Variants in LMNB2 observed in about 807,000 individuals in gnomAD.
The protein encoded by LMNB2 is lamin-B2.
A neutral mutation model predicts 69.3 loss-of-function variants in LMNB2; 17 were observed. That is an observed-to-expected ratio of 0.25 (90% CI 0.17 to 0.37). The LOEUF is 0.37. LMNB2 is among the 10% of genes least tolerant of loss of function. The probability of loss-of-function intolerance (pLI) is 1.00; values close to 1 mark genes in which losing one functional copy is unlikely to be tolerated. For synonymous variants in LMNB2, 397 were observed against 389.3 expected (o/e 1.02, Z -0.23); for missense variants, 789 against 883.6 (o/e 0.89, Z 1.36).
At chr19:2,455,296 T>C (rs1315820826) in intron 1 of LMNB2, among the ~76,000 whole-genome samples, 7 of 149,412 alleles carry the variant, frequency 4.7e-5, no homozygotes, top group Admixed American at 4.6e-4. Flanking sequence ...TTGGGCCTCC[T>C]CAGAGGGCCT....
chr19:2,445,004 T>C (rs1971939409), intron 1 of LMNB2, among the ~76,000 whole-genome samples: 1 of 152,156 alleles, frequency 6.6e-6, no homozygotes, highest in Non-Finnish European at 1.5e-5. Context: ...GGCCATTAGA[T>C]GCATTTTTCA....
chr19:2,439,217 C>A (rs12162273), intron 2 of LMNB2, among the ~76,000 whole-genome samples: 13,766 of 151,768 alleles, frequency 0.091, 899 homozygotes, highest in East Asian at 0.37. Context: ...AATTATAAGT[C>A]TTGGAGCTGA....
intron 2 of LMNB2, among the ~76,000 whole-genome samples, chr19:2,439,295 C>T (rs370895594): frequency 2.0e-3 from 300 of 151,952 alleles, no homozygotes; most frequent in Non-Finnish European, 2.9e-3. Context: ...CCCAGGGTTC[C>T]GCAGCGTCAC....
intron 2 of LMNB2, among the ~76,000 whole-genome samples, chr19:2,441,552 G>A (rs1297316585): frequency 6.6e-6 from 1 of 152,252 alleles, no homozygotes; most frequent in African/African-American, 2.4e-5. Flanking sequence ...GCCCTGCTGG[G>A]GATTTTTGCA....
In LMNB2 at chr19:2,430,780, C is replaced by T. The variant is rs542284153; in HGVS notation, c.*131G>A. 2 of 765,512 alleles carry T rather than the reference C, an allele frequency of 2.6e-6. No homozygotes were observed. The highest frequency in any genetic ancestry group is 2.6e-5 in the East Asian group (1 of 38,892). 47.4% of individuals were successfully genotyped at this position (765,512 alleles called of 1,614,324 possible). A position where few individuals can be genotyped will look rare whatever the true frequency, so the allele number is the denominator to read the frequency against. On this transcript the variant is annotated 3_prime_UTR_variant, in exon 12 of 12. Transcript: ENST00000325327. ...GCCAGGAGGGAGGGCTGGGGGAGAC[C>T]CACCCACACGTTCTGGCAGTTCGCT...
chr19:2,435,287 C>T, intron 4 of LMNB2, 116 bp from the exon 5 acceptor site: 1 of 1,418,684 alleles, frequency 7.0e-7, no homozygotes, highest in Non-Finnish European at 9.6e-7. Flanking sequence ...GTTCCTTGTG[C>T]ACAAGTTACA....
At chr19:2,451,831 C>T (rs1427202288) in intron 1 of LMNB2, among the ~76,000 whole-genome samples, 4 of 147,472 alleles carry the variant, frequency 2.7e-5, no homozygotes, top group East Asian at 3.9e-4. Flanking sequence ...ATGCAAACAC[C>T]GGCTTGGGGT....
In LMNB2 at chr19:2,435,039, G is replaced by A. The variant is rs1175573289; in HGVS notation, c.817C>T (p.Leu273Phe). Residue 273 changes from leucine to phenylalanine, a missense_variant, in exon 5 of 12, where the codon CTC becomes TTC. By Grantham distance (22) the Leu-to-Phe change is conservative. This residue lies in a region of LMNB2 where 609 missense variants were observed against 630.9 expected (regional missense o/e 0.97). Coordinates refer to ENST00000325327, the MANE Select transcript of LMNB2 (RefSeq NM_032737.4). ...LRSQHDEQVR[L>F]YKLELEQTYQ... ...GTCTGCTCCAGCTCCAGCTTGTAGAGCCGCACTTGCTCGTCGTGCTGGCTC... is the reference window on the plus strand; with the variant it reads ...GTCTGCTCCAGCTCCAGCTTGTAGAACCGCACTTGCTCGTCGTGCTGGCTC... The A allele has an allele frequency of 1.2e-6, 2 of 1,610,020 alleles. No homozygotes were observed. The highest frequency in any genetic ancestry group is 1.7e-6 in the Non-Finnish European group (2 of 1,179,508).
In LMNB2 at chr19:2,433,823, C is replaced by A; in HGVS notation, c.1482+3G>T. The A allele has an allele frequency of 1.2e-6, 2 of 1,613,350 alleles. No homozygotes were observed. Among genetic ancestry groups the A allele is most frequent in the South Asian group, 2.2e-5 (2 of 91,064 alleles). On this transcript the variant is annotated splice_donor_region_variant and intron_variant, in intron 8 of 11. Coordinates refer to ENST00000325327, the MANE Select transcript of LMNB2 (RefSeq NM_032737.4). The stretch of plus-strand genomic sequence containing the variant: ...ACCCCCATGCCCCGGTCTTTCCGGT[C>A]ACCTTGTCCGAGTTGTTCTTGAGCT...
Position 2,434,367 on chromosome 19 carries a change from A to G in LMNB2, c.1130T>C (p.Leu377Pro). 6.2e-7 allele frequency: 1 copy of G among 1,613,278 alleles called. No individual in the cohort carries two copies. Among genetic ancestry groups the G allele is most frequent in the Non-Finnish European group, 8.5e-7 (1 of 1,179,988 alleles). ...MQQQLAEYQE[L>P]LDVKLALDME... ...GTCCAGGGCCAGCTTCACGTCCAGC[A>G]GCTCCTGGTACTCGGCCAGCTGCTG... is the stretch of plus-strand genomic sequence containing the variant. Residue 377 changes from leucine to proline, a missense_variant, in exon 7 of 12, where the codon CTG (leucine) becomes CCG (proline). By Grantham distance (98) the Leu-to-Pro change is moderately conservative. Coordinates refer to ENST00000325327, the MANE Select transcript of LMNB2 (RefSeq NM_032737.4).
In LMNB2 at chr19:2,434,943, C is replaced by CGGG. The variant is rs779301571; in HGVS notation, c.856-31_856-30insCCC. ...GGGGAGACGGGCGGGTGAGTGCGGG[C>CGGG]GCGGGGCGGGGCGGGGTTCCCACCG... On this transcript the variant is annotated intron_variant, in intron 5 of 11. Coordinates refer to ENST00000325327, the MANE Select transcript of LMNB2 (RefSeq NM_032737.4). 424 of 1,586,034 alleles carry CGGG rather than the reference C, an allele frequency of 2.7e-4. 1 individual carries two copies. The African/African-American group carries it at 3.3e-3, about 12-fold the overall frequency.
chr19:2,438,608 G>C, intron 2 of LMNB2, 77 bp from the exon 3 acceptor site: 3 of 1,542,424 alleles, frequency 1.9e-6, no homozygotes, highest in Non-Finnish European at 2.6e-6. Flanking sequence ...GGGGCGTCAG[G>C]CAAGCCCAAA....
intron 1 of LMNB2, among the ~76,000 whole-genome samples, chr19:2,452,794 T>C (rs1972040058): frequency 6.6e-6 from 1 of 151,976 alleles, no homozygotes; most frequent in South Asian, 2.1e-4. Context: ...CTGTGAGTCG[T>C]GTTATGAGCC....
At position 2,433,919 on chromosome 19, in the gene LMNB2, G is replaced by C. The variant is rs752555785; in HGVS notation, c.1389C>G (p.His463Gln). ...GTGTGGSGGF[H>Q]LAQQASASGS... Reference sequence around the variant, plus strand: ...CCGAGGCCGAGGCCTGCTGGGCCAGGTGGAAGCCACCGCTGCCACCCGTGC... The same window carrying C: ...CCGAGGCCGAGGCCTGCTGGGCCAGCTGGAAGCCACCGCTGCCACCCGTGC... Residue 463 changes from histidine (H) to glutamine (Q), a missense_variant, in exon 8 of 12, where the codon CAC becomes CAG. Coordinates refer to ENST00000325327, the MANE Select transcript of LMNB2 (RefSeq NM_032737.4). 6.2e-7 allele frequency: 1 copy of C among 1,612,088 alleles called. No individual in the cohort carries two copies. The highest frequency in any genetic ancestry group is 8.5e-7 in the Non-Finnish European group (1 of 1,179,434).
At chr19:2,444,748 C>G (rs1238965727) in intron 1 of LMNB2, among the ~76,000 whole-genome samples, 2 of 152,234 alleles carry the variant, frequency 1.3e-5, no homozygotes, top group Non-Finnish European at 2.9e-5. Flanking sequence ...GTCCGGTAAC[C>G]AGGAGGAAGC....
intron 1 of LMNB2, among the ~76,000 whole-genome samples, chr19:2,448,240 G>C (rs1182117274): frequency 6.6e-6 from 1 of 152,216 alleles, no homozygotes; most frequent in Non-Finnish European, 1.5e-5. Context: ...GGCACCAGGT[G>C]CAGGCATGGT....
At position 2,447,867 on chromosome 19, in the gene LMNB2, CAG is replaced by C; in HGVS notation, c.265-3329_265-3328del. Reference sequence around the variant, plus strand: ...CGCATGCTGGGCCATCTGGACAAGTCAGAGTCTCAGGCTGCCCCAGCACCGCA... The same window carrying C: ...CGCATGCTGGGCCATCTGGACAAGTCAGTCTCAGGCTGCCCCAGCACCGCA... On this transcript the variant is annotated intron_variant, in intron 1 of 11. Coordinates refer to ENST00000325327, the MANE Select transcript of LMNB2 (RefSeq NM_032737.4). The surrounding 1 kb of genome is among the most constrained non-coding windows in gnomAD (Gnocchi z 4.4). Among the ~76,000 whole-genome samples, 1 of 152,330 alleles carries C rather than the reference CAG, an allele frequency of 6.6e-6. No individual in the cohort carries two copies. The highest frequency in any genetic ancestry group is 2.1e-4 in the South Asian group (1 of 4,832).
At chr19:2,452,913 ATGGGTCATCCTCATGG>A (rs1568209715) in intron 1 of LMNB2, among the ~76,000 whole-genome samples, 3 of 52,084 alleles carry the variant, frequency 5.8e-5, no homozygotes, top group African/African-American at 2.4e-4. Context: ...CTCGTGGGGG[ATGGGTCATCCTCATGG>A]GGGCTGCGTC....
In LMNB2 at chr19:2,434,333, G is replaced by T; in HGVS notation, c.1164C>A (p.Ile388=). 1 of 1,613,146 alleles carries T rather than the reference G, an allele frequency of 6.2e-7. No homozygotes were observed. Among genetic ancestry groups the T allele is most frequent in the Non-Finnish European group, 8.5e-7 (1 of 1,179,986 alleles). ...LDVKLALDME[I]NAYRKLLEGE... Reference sequence around the variant, plus strand: ...CCTCCAGGAGCTTCCGGTAGGCGTTGATCTCCATGTCCAGGGCCAGCTTCA... The same window carrying T: ...CCTCCAGGAGCTTCCGGTAGGCGTTTATCTCCATGTCCAGGGCCAGCTTCA... Residue 388 remains isoleucine, a synonymous_variant, in exon 7 of 12, where the codon ATC becomes ATA. Transcript: ENST00000325327.
Sources: gnomAD v4.1 joint callset for allele counts (sites outside exome capture counted in the v4.1 genomes callset) on GRCh38, gnomAD v4.1.1 for gene constraint, gnomAD v4.1.1 regional missense constraint, Gnocchi (gnomAD v3.1) non-coding constraint, MANE v1.5 for transcripts, NCBI Gene and HGNC (gene_info 2026-07-23, HGNC 2026-07-21) for gene names.